CPNE4: variants seen among roughly 807,000 people sequenced by gnomAD.
CPNE4 encodes the protein copine-4.
In CPNE4, 25 loss-of-function variants were observed where a neutral mutation model predicts 67.9. The ratio of observed to expected loss-of-function variants is 0.37; its 90% CI spans 0.27 to 0.51. The LOEUF (loss-of-function observed/expected upper bound fraction) is 0.51. Among genes scored for constraint, CPNE4 ranks in the 20% least tolerant of loss-of-function variants. CPNE4 has a pLI of 0.93. For synonymous variants in CPNE4, 242 were observed against 244.9 expected (o/e 0.99, Z 0.11); for missense variants, 464 against 690.8 (o/e 0.67, Z 3.68).
At chr3:131,780,242 TA>T (rs1327318246) in intron 2 of CPNE4, among the ~76,000 whole-genome samples, 1 of 152,188 alleles carries the variant, frequency 6.6e-6, no homozygotes, top group Admixed American at 6.6e-5. Flanking sequence ...GAATGTAAAT[TA>T]GTTCAGTCAC....
chr3:131,827,377 T>C (rs1425682915), intron 2 of CPNE4, among the ~76,000 whole-genome samples: 1 of 152,156 alleles, frequency 6.6e-6, no homozygotes, highest in South Asian at 2.1e-4. Context: ...TAGGTAGACA[T>C]GGTAATTCAT....
At chr3:131,975,250 C>G (rs375753176) in intron 1 of CPNE4, among the ~76,000 whole-genome samples, 4 of 152,032 alleles carry the variant, frequency 2.6e-5, no homozygotes, top group Admixed American at 2.6e-4. Flanking sequence ...AGAACCCAGT[C>G]AAAGTCATGA....
chr3:131,612,963 C>G (rs1939937488), intron 7 of CPNE4, among the ~76,000 whole-genome samples: 1 of 152,192 alleles, frequency 6.6e-6, no homozygotes, highest in East Asian at 1.9e-4. Context: ...GAAGTCGTAT[C>G]TTGTAAACAA....
intron 1 of CPNE4, among the ~76,000 whole-genome samples, chr3:132,013,779 C>A (rs192268486): frequency 2.6e-5 from 4 of 152,226 alleles, no homozygotes; most frequent in African/African-American, 9.6e-5. Context: ...TATTATTATT[C>A]CATATTGACA....
At chr3:131,806,912 C>A (rs2084338686) in intron 2 of CPNE4, among the ~76,000 whole-genome samples, 1 of 152,108 alleles carries the variant, frequency 6.6e-6, no homozygotes, top group Non-Finnish European at 1.5e-5. Flanking sequence ...TTTCACAGTT[C>A]CCCAAATTGC....
chr3:131,792,917 G>GTA (rs1274707195), intron 2 of CPNE4, among the ~76,000 whole-genome samples: 3 of 95,310 alleles, frequency 3.1e-5, no homozygotes, highest in African/African-American at 1.3e-4. Flanking sequence ...GTGTGTGTGT[G>GTA]TGTGTGTGTA....
intron 2 of CPNE4, among the ~76,000 whole-genome samples, chr3:131,811,718 A>G (rs796931285): frequency 7.2e-5 from 11 of 152,316 alleles, no homozygotes; most frequent in African/African-American, 1.2e-4. Context: ...AACAAATAGT[A>G]TAGTTAATCA....
At chr3:131,598,124 A>T (rs1448268128) in intron 7 of CPNE4, among the ~76,000 whole-genome samples, 1 of 152,224 alleles carries the variant, frequency 6.6e-6, no homozygotes, top group Non-Finnish European at 1.5e-5. Flanking sequence ...GGATTCTAGA[A>T]ACAGCTTTAG....
rs560023921 is a variant in CPNE4 at position 131,918,950 on chromosome 3, A to G, written c.-1-13506T>C. 1.4e-4 allele frequency among the ~76,000 whole-genome samples: 21 copies of G among 152,262 alleles called. 1 individual carries two copies. In the Middle Eastern group the frequency reaches 0.014, roughly 99 times the overall value. ...GGCATATTGCATTTGGGAATATTTT[A>G]TTTACTATGAAAAGTGTTGTAGGGA... is the stretch of plus-strand genomic sequence containing the variant. On this transcript the variant is annotated intron_variant, in intron 1 of 15. Transcript: ENST00000429747.
chr3:131,719,577 T>G (rs2081827196), intron 3 of CPNE4, among the ~76,000 whole-genome samples: 1 of 152,220 alleles, frequency 6.6e-6, no homozygotes, highest in Non-Finnish European at 1.5e-5. Flanking sequence ...TTTTAGTTCC[T>G]CATATGTGCT....
chr3:131,557,784 A>G (rs1936542553), intron 11 of CPNE4, among the ~76,000 whole-genome samples: 1 of 151,946 alleles, frequency 6.6e-6, no homozygotes, highest in African/African-American at 2.4e-5. Context: ...CCTTAAACAA[A>G]ACAAGCATGG....
intron 2 of CPNE4, among the ~76,000 whole-genome samples, chr3:131,887,874 C>T (rs1308152664): frequency 6.6e-6 from 1 of 152,062 alleles, no homozygotes; most frequent in Non-Finnish European, 1.5e-5. Context: ...AACTATGTGG[C>T]AAAAAGTTGA....
At chr3:131,717,902 CT>C (rs879884515) in intron 3 of CPNE4, among the ~76,000 whole-genome samples, 1 of 129,214 alleles carries the variant, frequency 7.7e-6, no homozygotes, top group Non-Finnish European at 1.7e-5. Flanking sequence ...TTCTTTCTTT[CT>C]TTCTTTCTTT....
Position 131,989,950 on chromosome 3 carries a change from A to G in CPNE4, c.-2+44617T>C, listed in dbSNP as rs2073139474. On this transcript the variant is annotated intron_variant, in intron 1 of 15. Coordinates refer to ENST00000429747, the MANE Select transcript of CPNE4 (RefSeq NM_130808.3). The stretch of plus-strand genomic sequence containing the variant: ...CGCATGGGCTCTGGGAAGCCATTGA[A>G]GGAAAGGCAGGAAGCTCCATTTGGA... Among the ~76,000 whole-genome samples, 2 of 136,094 alleles carry G rather than the reference A, an allele frequency of 1.5e-5. 1 individual carries two copies. The highest frequency in any genetic ancestry group is 3.3e-5 in the Non-Finnish European group (2 of 60,020). 89.3% of individuals were successfully genotyped at this position (136,094 alleles called of 152,430 possible).
chr3:131,673,570 T>G (rs1225996191), intron 6 of CPNE4, among the ~76,000 whole-genome samples: 1 of 152,094 alleles, frequency 6.6e-6, no homozygotes, highest in African/African-American at 2.4e-5. Context: ...AGTGAATTCC[T>G]TTTATTTGTA....
In CPNE4 at chr3:131,834,001, A is replaced by G. The variant is rs73203825; in HGVS notation, c.180+71263T>C. On this transcript the variant is annotated intron_variant, in intron 2 of 15. Coordinates refer to ENST00000429747, the MANE Select transcript of CPNE4 (RefSeq NM_130808.3). ...GTGGTTAGTTAAAATTATTTGAATA[A>G]TTCAAAAAATTAAGCAGGAAAGCAT... 1.2e-3 allele frequency among the ~76,000 whole-genome samples: 190 copies of G among 152,344 alleles called. 1 individual carries two copies. The South Asian group carries it at 0.022, about 18-fold the overall frequency.
chr3:132,029,298 A>G (rs2074187965), intron 1 of CPNE4, among the ~76,000 whole-genome samples: 2 of 152,212 alleles, frequency 1.3e-5, no homozygotes. Context: ...CCAGATGCTC[A>G]GGGCAAAACC....
intron 5 of CPNE4, among the ~76,000 whole-genome samples, chr3:131,688,117 G>A (rs2080940076): frequency 6.6e-6 from 1 of 152,206 alleles, no homozygotes; most frequent in Non-Finnish European, 1.5e-5. Flanking sequence ...AGTTGGCTCT[G>A]CAGTGAAGAA....
intron 7 of CPNE4, among the ~76,000 whole-genome samples, chr3:131,628,633 T>C (rs1196863005): frequency 6.6e-6 from 1 of 152,264 alleles, no homozygotes; most frequent in Non-Finnish European, 1.5e-5. Flanking sequence ...TGGGAGGGTG[T>C]ATGTGTCCAG....
Sources: gnomAD v4.1 joint callset for allele counts (sites outside exome capture counted in the v4.1 genomes callset) on GRCh38, gnomAD v4.1.1 for gene constraint, MANE v1.5 for transcripts, NCBI Gene and HGNC (gene_info 2026-07-23, HGNC 2026-07-21) for gene names.